Variants in UPF3A observed in about 807,000 individuals in gnomAD.
The protein encoded by UPF3A is regulator of nonsense transcripts 3A.
A neutral mutation model predicts 53.5 loss-of-function variants in UPF3A; 42 were observed. The ratio of observed to expected loss-of-function variants is 0.78; its 90% CI spans 0.61 to 1.01. The LOEUF is 1.01. Among genes scored for constraint, UPF3A ranks in the 50% least tolerant of loss-of-function variants. The probability of loss-of-function intolerance (pLI) is 0.00; values close to 1 mark genes in which losing one functional copy is unlikely to be tolerated. For synonymous variants in UPF3A, 237 were observed against 225.3 expected (o/e 1.05, Z -0.47); for missense variants, 575 against 598.0 (o/e 0.96, Z 0.40).
At chr13:114,292,070 G>T (rs1439516444) in intron 7 of UPF3A, among the ~76,000 whole-genome samples, 1 of 150,218 alleles carries the variant, frequency 6.7e-6, no homozygotes, top group Non-Finnish European at 1.5e-5. Flanking sequence ...GCTGGCACAC[G>T]TTGGGCTGCT....
At chr13:114,284,413 A>G (rs914838437) in intron 3 of UPF3A, among the ~76,000 whole-genome samples, 3 of 151,016 alleles carry the variant, frequency 2.0e-5, no homozygotes, top group African/African-American at 7.3e-5. Flanking sequence ...TATGTGTAAC[A>G]TGGCCAGGTG....
intron 9 of UPF3A, among the ~76,000 whole-genome samples, chr13:114,303,356 T>C (rs2086765248): frequency 6.6e-6 from 1 of 152,160 alleles, no homozygotes; most frequent in Non-Finnish European, 1.5e-5. Context: ...TGCTCCTGTG[T>C]TTAGCCTCAC....
chr13:114,281,921 G>GGGAGGGGAGGGAGGGGAGGGAGGGGAA (rs2084068378), intron 1 of UPF3A, 75 bp downstream of exon 1: 1 of 1,048,262 alleles, frequency 9.5e-7, no homozygotes, highest in Non-Finnish European at 1.4e-6. Flanking sequence ...AGGGAGGGGA[G>GGGAGGGGAGGGAGGGGAGGGAGGGGAA]GGAGGGGCGG....
rs753802544 is a variant in UPF3A, at chr13:114,291,511, G to A, written c.654G>A (p.Leu218=). The part of the protein sequence containing the change: ...ELIARRTTPL[L]EYIKNRKLEK... ...TAGCTAGAAGAACCACACCTCTTTT[G>A]GAATATATTAAAAATAGAAAATTAG... Residue 218 remains leucine (L), a synonymous_variant, in exon 6 of 10, where the codon TTG becomes TTA. Transcript: ENST00000375299. The A allele has an allele frequency of 6.2e-7, 1 of 1,608,554 alleles. No homozygotes were observed. The highest frequency in any genetic ancestry group is 8.5e-7 in the Non-Finnish European group (1 of 1,178,456).
chr13:114,285,522 T>A (rs936247716), intron 3 of UPF3A: 22 of 152,100 alleles, frequency 1.4e-4, no homozygotes, highest in Admixed American at 4.6e-4. Context: ...GGAATTATAA[T>A]TCAGTCACCT....
chr13:114,294,254 T>C (rs112998813), intron 7 of UPF3A, among the ~76,000 whole-genome samples: 9,851 of 142,930 alleles, frequency 0.069, 332 homozygotes, highest in Middle Eastern at 0.16. Flanking sequence ...TATTTTGCTA[T>C]TTTTTTGTTT....
chr13:114,282,198 CT>C (rs2084143122), intron 2 of UPF3A, 71 bp downstream of exon 2: 3 of 1,268,946 alleles, frequency 2.4e-6, no homozygotes, highest in East Asian at 5.1e-5. Context: ...GTCTCGTTGC[CT>C]TACGTTCCTT....
At position 114,286,321 on chromosome 13, in the gene UPF3A, G is replaced by A. The variant is rs778559753; in HGVS notation, c.441G>A (p.Val147=). 1.2e-6 allele frequency: 2 copies of A among 1,614,060 alleles called. No individual in the cohort carries two copies. The highest frequency in any genetic ancestry group is 3.3e-5 in the Admixed American group (2 of 60,016). ...LDSKGLEYPA[V]VEFAPFQKIA... ...TAAAAGGCCTAGAATATCCTGCAGT[G>A]GTAGAGTTTGCTCCATTCCAGAAGA... The change falls in exon 4 of 10, where the codon GTG becomes GTA. Residue 147 remains valine, a synonymous_variant. Transcript: ENST00000375299.
chr13:114,301,649 TG>T, intron 8 of UPF3A, 81 bp from the exon 9 acceptor site: 1 of 1,451,106 alleles, frequency 6.9e-7, no homozygotes, highest in Non-Finnish European at 9.5e-7. Context: ...CCCTGTTGTC[TG>T]GGAACCTGTG....
At chr13:114,292,645 T>G (rs148586682) in intron 7 of UPF3A, among the ~76,000 whole-genome samples, 1,585 of 149,382 alleles carry the variant, frequency 0.011, 58 homozygotes, top group Admixed American at 0.075. Flanking sequence ...ACGTGTTCAT[T>G]TTCGGCTCAA....
chr13:114,303,164 T>A (rs2086747172), intron 9 of UPF3A, among the ~76,000 whole-genome samples: 1 of 152,168 alleles, frequency 6.6e-6, no homozygotes, highest in Admixed American at 6.5e-5. Context: ...GTCTTCACCC[T>A]TGAATGAACA....
intron 9 of UPF3A, among the ~76,000 whole-genome samples, chr13:114,302,330 A>T (rs1379164011): frequency 6.6e-6 from 1 of 152,230 alleles, no homozygotes; most frequent in African/African-American, 2.4e-5. Flanking sequence ...GAAAGTTTTA[A>T]TGATATTTCA....
At chr13:114,290,950 G>T (rs2085215704) in intron 5 of UPF3A, among the ~76,000 whole-genome samples, 2 of 151,724 alleles carry the variant, frequency 1.3e-5, no homozygotes, top group Non-Finnish European at 2.9e-5. Flanking sequence ...GGTCAGGCTG[G>T]TCTCGAATTC....
At chr13:114,292,806 A>T (rs1292305160) in intron 7 of UPF3A, among the ~76,000 whole-genome samples, 3 of 151,814 alleles carry the variant, frequency 2.0e-5, no homozygotes, top group Non-Finnish European at 4.4e-5. Flanking sequence ...ATTTTCCTTT[A>T]AAAAAAAGTT....
intron 5 of UPF3A, among the ~76,000 whole-genome samples, chr13:114,287,855 G>A (rs2084879327): frequency 6.6e-6 from 1 of 152,120 alleles, no homozygotes; most frequent in African/African-American, 2.4e-5. Flanking sequence ...TGCCCAGGCT[G>A]GAGTGCGGTG....
chr13:114,287,011 G>A (rs563925429), intron 5 of UPF3A: 8 of 166,840 alleles, frequency 4.8e-5, no homozygotes, highest in Non-Finnish European at 7.8e-5. Flanking sequence ...TTTTGCTTGC[G>A]GTGAGGTCAT....
At position 114,281,629 on chromosome 13, in the gene UPF3A, G is replaced by A. The variant is rs780875910; in HGVS notation, c.-11G>A. On this transcript the variant is annotated 5_prime_UTR_variant, in exon 1 of 10. Coordinates refer to ENST00000375299, the MANE Select transcript of UPF3A (RefSeq NM_023011.4). ...GGGGGCTGGCGGCTGCGGCTCGGCGGAGAGTGCGGCATGCGCTCGGAAAAG... is the reference window on the plus strand; with the variant it reads ...GGGGGCTGGCGGCTGCGGCTCGGCGAAGAGTGCGGCATGCGCTCGGAAAAG... The A allele has an allele frequency of 2.0e-5, 28 of 1,430,480 alleles. No homozygotes were observed. In the East Asian group the frequency reaches 6.9e-4, roughly 35 times the overall value. The allele number at this position is 1,430,480 out of a possible 1,614,324, so 88.6% of individuals were successfully genotyped here. A position where few individuals can be genotyped will look rare whatever the true frequency, so the allele number is the denominator to read the frequency against.
In UPF3A at chr13:114,305,046, G is replaced by A. The variant is rs2086916498; in HGVS notation, c.*129G>A. The A allele has an allele frequency of 2.3e-6, 3 of 1,292,722 alleles. No homozygotes were observed. Among genetic ancestry groups the A allele is most frequent in the Non-Finnish European group, 2.2e-6 (2 of 920,242 alleles). The allele number at this position is 1,292,722 out of a possible 1,614,324, so 80.1% of individuals were successfully genotyped here. On this transcript the variant is annotated 3_prime_UTR_variant, in exon 10 of 10. Coordinates refer to ENST00000375299, the MANE Select transcript of UPF3A (RefSeq NM_023011.4). The stretch of plus-strand genomic sequence containing the variant: ...ACTGGAAGCTAAAAATACAGAGGGT[G>A]ACGTAGAAACACGCAGAAACCATTC...
At chr13:114,290,442 G>C (rs2085157882) in intron 5 of UPF3A, among the ~76,000 whole-genome samples, 1 of 152,172 alleles carries the variant, frequency 6.6e-6, no homozygotes, top group Non-Finnish European at 1.5e-5. Flanking sequence ...GCCCTGTTTA[G>C]TCTGAGATCT....
Sources: gnomAD v4.1 joint callset for allele counts (sites outside exome capture counted in the v4.1 genomes callset) on GRCh38, gnomAD v4.1.1 for gene constraint, MANE v1.5 for transcripts, NCBI Gene and HGNC (gene_info 2026-07-23, HGNC 2026-07-21) for gene names.